The following CDHR1 variants were observed in gnomAD, a reference collection of about 807,000 sequenced individuals.
The protein encoded by CDHR1 is cadherin related family member 1.
CDHR1 carries 61 observed loss-of-function variants against 72.1 expected under a neutral mutation model. The ratio of observed to expected loss-of-function variants is 0.85; its 90% CI spans 0.69 to 1.05. The LOEUF is 1.05. Ranked by LOEUF, CDHR1 falls within the 50% of genes least tolerant of loss-of-function variation. The pLI is 0.00. For synonymous variants in CDHR1, 470 were observed against 448.1 expected (o/e 1.05, Z -0.62); for missense variants, 1,186 against 1,115.7 (o/e 1.06, Z -0.90).
In CDHR1 at chr10:84,200,611, C is replaced by A; in HGVS notation, c.449C>A (p.Ala150Asp). The change falls in exon 6 of 17, where the codon GCT becomes GAT. Residue 150 changes from alanine (A) to aspartate (D), a missense_variant. Physicochemically the swap from Ala to Asp is moderately radical, Grantham distance 126. Transcript: ENST00000623527. ...YVALVPEDIP[A>D]GSIIFKVHAV... is the part of the protein sequence containing the mutation. The stretch of plus-strand genomic sequence containing the variant: ...CTGTGACCCCCTCAGGACATACCTG[C>A]TGGGAGCATCATCTTTAAGGTCCAT... The A allele has an allele frequency of 1.9e-6, 3 of 1,610,626 alleles. No homozygotes were observed. The highest frequency in any genetic ancestry group is 1.3e-5 in the African/African-American group (1 of 74,990).
intron 2 of CDHR1, 67 bp downstream of exon 2, chr10:84,195,656 A>G (rs1842017228): frequency 1.4e-6 from 2 of 1,393,558 alleles, no homozygotes; most frequent in Non-Finnish European, 1.0e-6. Context: ...TAGAACACAA[A>G]GTGCCCCAGG....
Position 84,205,919 on chromosome 10 carries a change from C to T in CDHR1, c.955C>T (p.His319Tyr). Residue 319 changes from histidine to tyrosine, a missense_variant, in exon 10 of 17, where the codon CAT (histidine) becomes TAT (tyrosine). Coordinates refer to ENST00000623527, the MANE Select transcript of CDHR1 (RefSeq NM_033100.4). Reference protein sequence around the residue: ...AQLQREVYELHVQVTEMSPAG... With the variant: ...AQLQREVYELYVQVTEMSPAG... ...GCTCCAGAGAGAGGTGTATGAGCTG[C>T]ATGTACAGGTACCCTCCCTCTAGCT... is the stretch of plus-strand genomic sequence containing the variant. 6.2e-7 allele frequency: 1 copy of T among 1,612,652 alleles called. No individual in the cohort carries two copies. Among genetic ancestry groups the T allele is most frequent in the Non-Finnish European group, 8.5e-7 (1 of 1,178,678 alleles).
chr10:84,211,545 C>A lies in CDHR1; in HGVS notation c.1486-103C>A, dbSNP rs1275637097. On this transcript the variant is annotated intron_variant, in intron 13 of 16. Coordinates refer to ENST00000623527, the MANE Select transcript of CDHR1 (RefSeq NM_033100.4). ...AATTTCTCCCCAGTTGGGCAAACCCCAAATCCCCTTGCTTTGTGGTTGAAA... is the reference window on the plus strand; with the variant it reads ...AATTTCTCCCCAGTTGGGCAAACCCAAAATCCCCTTGCTTTGTGGTTGAAA... 5 of 1,084,076 alleles carry A rather than the reference C, an allele frequency of 4.6e-6. No homozygotes were observed. The African/African-American group carries it at 6.2e-5, about 14-fold the overall frequency. The allele number at this position is 1,084,076 out of a possible 1,614,324, so 67.2% of individuals were successfully genotyped here.
At position 84,211,154 on chromosome 10, in the gene CDHR1, G is replaced by C. The variant is rs141797175; in HGVS notation, c.1474G>C (p.Val492Leu). Residue 492 changes from valine to leucine, a missense_variant, in exon 13 of 17, where the codon GTG becomes CTG. By Grantham distance (32) the Val-to-Leu change is conservative. Coordinates refer to ENST00000623527, the MANE Select transcript of CDHR1 (RefSeq NM_033100.4). ...GAACGCCCCAGGGGGCTCCAGCGTG[G>C]TGGCTGTCACAGTGGGTTGGGCACT... is the stretch of plus-strand genomic sequence containing the variant. ...PENAPGGSSV[V>L]AVTAVDPDTG... is the part of the protein sequence containing the mutation. 45 of 1,614,234 alleles carry C rather than the reference G, an allele frequency of 2.8e-5. No homozygotes were observed. In the African/African-American group the frequency reaches 5.3e-4, roughly 19 times the overall value.
chr10:84,208,684 C>A, intron 11 of CDHR1, 45 bp from the exon 12 acceptor site: 2 of 1,571,676 alleles, frequency 1.3e-6, no homozygotes, highest in Non-Finnish European at 1.8e-6. Context: ...TTATGAATTT[C>A]TATCATCATT....
At chr10:84,203,931 G>T (rs1375377307) in intron 8 of CDHR1, among the ~76,000 whole-genome samples, 1 of 152,094 alleles carries the variant, frequency 6.6e-6, no homozygotes, top group Non-Finnish European at 1.5e-5. Context: ...CAGCACCTGG[G>T]CTGGGTTAAG....
At position 84,214,671 on chromosome 10, in the gene CDHR1, C is replaced by T. The variant is rs1241649263; in HGVS notation, c.*50C>T. 1.3e-6 allele frequency: 2 copies of T among 1,598,172 alleles called. No individual in the cohort carries two copies. Among genetic ancestry groups the T allele is most frequent in the African/African-American group, 1.3e-5 (1 of 74,870 alleles). Reference sequence around the variant, plus strand: ...TTCCTCCGCCCCTGACCCCCACCACCCTGCTGCTCGGACTATGCTCCCCTT... The same window carrying T: ...TTCCTCCGCCCCTGACCCCCACCACTCTGCTGCTCGGACTATGCTCCCCTT... On this transcript the variant is annotated 3_prime_UTR_variant, in exon 17 of 17. Coordinates refer to ENST00000623527, the MANE Select transcript of CDHR1 (RefSeq NM_033100.4).
rs373616602 is a variant in CDHR1, at chr10:84,201,925, C to G, written c.639+5C>G. 1.1e-5 allele frequency: 17 copies of G among 1,594,844 alleles called. No homozygotes were observed. Among genetic ancestry groups the G allele is most frequent in the Non-Finnish European group, 1.4e-5 (16 of 1,172,624 alleles). ...TACATCACCGTGGTCGCCAAGGTAA[C>G]ACAGCAGGACAGGGGAGCATCCAGT... is the stretch of plus-strand genomic sequence containing the variant. On this transcript the variant is annotated splice_donor_5th_base_variant and intron_variant, in intron 7 of 16. Transcript: ENST00000623527.
At chr10:84,195,638 G>A in intron 2 of CDHR1, 49 bp downstream of exon 2, 1 of 1,517,698 alleles carries the variant, frequency 6.6e-7, no homozygotes, top group Non-Finnish European at 9.1e-7. Context: ...GAGGGGTGCA[G>A]GCAGACTTAG....
downstream of CDHR1, chr10:84,219,436 C>T (rs1842475841): frequency 1.6e-6 from 2 of 1,226,698 alleles, no homozygotes; most frequent in Non-Finnish European, 2.2e-6. Context: ...CATCCTGACC[C>T]CTCTGTCTCA....
In CDHR1 at chr10:84,203,996, G is replaced by A. The variant is rs61867366; in HGVS notation, c.784-531G>A. On this transcript the variant is annotated intron_variant, in intron 8 of 16. Transcript: ENST00000623527. ...GCTTGTGTAGGGGGGCTTAAGAGGGGACAACAGGCAGAAGTCAAGCAAGAC... is the reference window on the plus strand; with the variant it reads ...GCTTGTGTAGGGGGGCTTAAGAGGGAACAACAGGCAGAAGTCAAGCAAGAC... 7.6e-3 allele frequency among the ~76,000 whole-genome samples: 1,155 copies of A among 152,218 alleles called. 6 individuals carry two copies. Among genetic ancestry groups the A allele is most frequent in the Non-Finnish European group, 0.012 (818 of 68,020 alleles).
downstream of CDHR1, chr10:84,219,240 C>T (rs1345917108): frequency 1.3e-6 from 2 of 1,550,668 alleles, no homozygotes; most frequent in Admixed American, 2.0e-5. Flanking sequence ...TGAATCTGTA[C>T]TCTAGAGTTT....
At position 84,215,093 on chromosome 10, in the gene CDHR1, G is replaced by GCACT; in HGVS notation, c.*473_*476dup. ...AGCAGGAGCAGGAAAAGGAGGCTCA[G>GCACT]CACTGTCTCAGGCTGGAGGTCAGCG... is the stretch of plus-strand genomic sequence containing the variant. On this transcript the variant is annotated 3_prime_UTR_variant, in exon 17 of 17. Coordinates refer to ENST00000623527, the MANE Select transcript of CDHR1 (RefSeq NM_033100.4). 3 of 1,052,556 alleles carry GCACT rather than the reference G, an allele frequency of 2.9e-6. No individual in the cohort carries two copies. The highest frequency in any genetic ancestry group is 3.3e-5 in the South Asian group (1 of 30,622). The allele number at this position is 1,052,556 out of a possible 1,614,324, so 65.2% of individuals were successfully genotyped here.
chr10:84,208,213 G>A lies in CDHR1; in HGVS notation c.1003G>A (p.Ala335Thr), dbSNP rs1216495916. The A allele has an allele frequency of 6.2e-7, 1 of 1,614,092 alleles. No individual in the cohort carries two copies. The highest frequency in any genetic ancestry group is 2.2e-5 in the East Asian group (1 of 44,878). ...MSPAGSPAAQATVPVTIRIVD... is the reference protein window; with the variant it reads ...MSPAGSPAAQTTVPVTIRIVD... ...CCCTGCGGGGAGCCCAGCTGCCCAG[G>A]CCACCGTCCCAGTCACCATCAGGAT... is the stretch of plus-strand genomic sequence containing the variant. Residue 335 changes from alanine to threonine, a missense_variant, in exon 11 of 17, where the codon GCC becomes ACC. Coordinates refer to ENST00000623527, the MANE Select transcript of CDHR1 (RefSeq NM_033100.4).
At position 84,214,834 on chromosome 10, in the gene CDHR1, T is replaced by G; in HGVS notation, c.*213T>G. 2 of 1,479,786 alleles carry G rather than the reference T, an allele frequency of 1.4e-6. No individual in the cohort carries two copies. The highest frequency in any genetic ancestry group is 1.8e-6 in the Non-Finnish European group (2 of 1,127,052). 91.7% of individuals were successfully genotyped at this position (1,479,786 alleles called of 1,614,324 possible). On this transcript the variant is annotated 3_prime_UTR_variant, in exon 17 of 17. Transcript: ENST00000623527. ...CTAGTCAGGGCCTTGGGCAAGACAT[T>G]GGGCTCTAGGATGCAATTGGCAAAT...
Position 84,213,361 on chromosome 10 carries a change from C to A in CDHR1, c.2040+13C>A. 2 of 1,614,106 alleles carry A rather than the reference C, an allele frequency of 1.2e-6. No homozygotes were observed. Among genetic ancestry groups the A allele is most frequent in the Non-Finnish European group, 1.7e-6 (2 of 1,180,018 alleles). On this transcript the variant is annotated intron_variant, in intron 16 of 16. Coordinates refer to ENST00000623527, the MANE Select transcript of CDHR1 (RefSeq NM_033100.4). ...CACAGATGCTGAGGTGAGTACAAAGCCATGGTCAGGAAAAAGGGGTCAGCA... is the reference window on the plus strand; with the variant it reads ...CACAGATGCTGAGGTGAGTACAAAGACATGGTCAGGAAAAAGGGGTCAGCA...
Position 84,218,272 on chromosome 10 carries a change from A to T in CDHR1, c.*3651A>T. 1 of 985,462 alleles carries T rather than the reference A, an allele frequency of 1.0e-6. No individual in the cohort carries two copies. Among genetic ancestry groups the T allele is most frequent in the Non-Finnish European group, 1.2e-6 (1 of 829,934 alleles). 61.0% of individuals were successfully genotyped at this position (985,462 alleles called of 1,614,324 possible). ...GCCTAGTTTCCAGAATGAGGCGGTC[A>T]TGGCTTAAGCGACCATCATTTGATC... On this transcript the variant is annotated 3_prime_UTR_variant, in exon 17 of 17. Coordinates refer to ENST00000623527, the MANE Select transcript of CDHR1 (RefSeq NM_033100.4).
downstream of CDHR1, chr10:84,219,195 C>A (rs1395241845): frequency 2.6e-6 from 4 of 1,550,626 alleles, no homozygotes; most frequent in Admixed American, 7.8e-5. Context: ...TCTTGCATCC[C>A]CACTGCGAAA....
At chr10:84,197,694 G>A in intron 3 of CDHR1, 92 bp from the exon 4 acceptor site, 1 of 1,164,344 alleles carries the variant, frequency 8.6e-7, no homozygotes, top group Non-Finnish European at 1.3e-6. Flanking sequence ...CTCCTCTGAT[G>A]GGTGCGTGGG....
Sources: allele counts gnomAD v4.1 joint callset (sites outside exome capture counted in the v4.1 genomes callset), GRCh38; gene constraint gnomAD v4.1.1; transcripts MANE v1.5; gene names NCBI Gene and HGNC (gene_info 2026-07-23, HGNC 2026-07-21).